SERPINB10: variants seen among roughly 807,000 people sequenced by gnomAD.
The protein encoded by SERPINB10 is serpin family B member 10, also known as serpin B10.
A neutral mutation model predicts 39.1 loss-of-function variants in SERPINB10; 35 were observed. The ratio of observed to expected loss-of-function variants is 0.90; its 90% CI spans 0.68 to 1.19. The LOEUF (loss-of-function observed/expected upper bound fraction) is 1.19, where lower values mean the gene tolerates loss of function less well. Among genes scored for constraint, SERPINB10 ranks in the 50% most tolerant of loss-of-function variants. The probability of loss-of-function intolerance (pLI) is 0.00; values close to 1 mark genes in which losing one functional copy is unlikely to be tolerated. For synonymous variants in SERPINB10, 190 were observed against 158.1 expected (o/e 1.20, Z -1.52); for missense variants, 546 against 460.5 (o/e 1.19, Z -1.70).
intron 4 of SERPINB10, 148 bp downstream of exon 4, chr18:63,918,250 G>A (rs1226401636): frequency 2.8e-6 from 2 of 721,420 alleles, no homozygotes; most frequent in South Asian, 3.8e-5. Flanking sequence ...ACCAACCAAT[G>A]AGTGTCTAGT....
At chr18:63,927,534 C>A (rs1040063464) in intron 5 of SERPINB10, among the ~76,000 whole-genome samples, 2 of 152,010 alleles carry the variant, frequency 1.3e-5, no homozygotes, top group South Asian at 4.1e-4. Context: ...TCATTGTCAT[C>A]GCATAGTGGA....
rs78343987 is a variant in SERPINB10 at position 63,930,077 on chromosome 18, G to C, written c.523G>C (p.Val175Leu). 3.5e-5 allele frequency: 56 copies of C among 1,613,474 alleles called. No individual in the cohort carries two copies. In the African/African-American group the frequency reaches 7.1e-4, roughly 20 times the overall value. The stretch of plus-strand genomic sequence containing the variant: ...CCAGAATCTCCTGCCTGATGACTCT[G>C]TGGATTCCACAACCAGGATGATTCT... Reference protein sequence around the residue: ...KIQNLLPDDSVDSTTRMILVN... With the variant: ...KIQNLLPDDSLDSTTRMILVN... The change falls in exon 6 of 8, where the codon GTG (valine) becomes CTG (leucine). Residue 175 changes from valine (V) to leucine (L), a missense_variant. By Grantham distance (32) the Val-to-Leu change is conservative. Transcript: ENST00000238508.
chr18:63,929,132 G>A (rs1281226724), intron 5 of SERPINB10, among the ~76,000 whole-genome samples: 4 of 152,008 alleles, frequency 2.6e-5, no homozygotes, highest in East Asian at 1.9e-4. Flanking sequence ...CTACAAATAC[G>A]AAATGCCAAA....
At chr18:63,912,352 G>A (rs2050071197) in intron 1 of SERPINB10, among the ~76,000 whole-genome samples, 1 of 151,944 alleles carries the variant, frequency 6.6e-6, no homozygotes, top group African/African-American at 2.4e-5. Flanking sequence ...AGGCATTCTT[G>A]TCTTGTTCCA....
intron 5 of SERPINB10, among the ~76,000 whole-genome samples, chr18:63,929,735 A>AAAAAAAAAAAAAAAAAAAAAAAAG (rs2050207543): frequency 1.4e-5 from 1 of 70,390 alleles, no homozygotes; most frequent in Non-Finnish European, 3.3e-5. Flanking sequence ...AAAAAAAAAG[A>AAAAAAAAAAAAAAAAAAAAAAAAG]AAAAAAAAAA....
intron 1 of SERPINB10, among the ~76,000 whole-genome samples, chr18:63,911,576 T>A (rs922638477): frequency 1.3e-5 from 2 of 151,924 alleles, no homozygotes; most frequent in African/African-American, 4.8e-5. Flanking sequence ...TGGTAAAGGT[T>A]AGATGTCTGT....
At chr18:63,914,100 G>T (rs1361250771) in intron 1 of SERPINB10, among the ~76,000 whole-genome samples, 1 of 152,026 alleles carries the variant, frequency 6.6e-6, no homozygotes, top group African/African-American at 2.4e-5. Flanking sequence ...GCTCTATTTT[G>T]TTTTCAATTT....
intron 5 of SERPINB10, among the ~76,000 whole-genome samples, chr18:63,921,926 C>T (rs114101249): frequency 9.2e-5 from 14 of 151,904 alleles, no homozygotes; most frequent in Non-Finnish European, 1.9e-4. Context: ...TGCCCTGCCA[C>T]CCCCAACCCC....
At chr18:63,919,696 C>T (rs150491161) in intron 4 of SERPINB10, 92 bp from the exon 5 acceptor site, 48 of 827,380 alleles carry the variant, frequency 5.8e-5, no homozygotes, top group Non-Finnish European at 8.8e-5. Flanking sequence ...TGCAATTGCC[C>T]GCCTACCTAG....
intron 7 of SERPINB10, among the ~76,000 whole-genome samples, chr18:63,934,634 C>T (rs566296168): frequency 5.9e-5 from 9 of 152,202 alleles, no homozygotes; most frequent in East Asian, 5.8e-4. Context: ...CTCCTATATC[C>T]GGATAGCAAT....
chr18:63,913,483 G>A (rs552289673), intron 1 of SERPINB10, among the ~76,000 whole-genome samples: 22 of 151,840 alleles, frequency 1.4e-4, no homozygotes, highest in South Asian at 2.1e-4. Context: ...ATGTCTCTGT[G>A]TCTATTTCAA....
rs8097425 is a variant in SERPINB10 at position 63,915,633 on chromosome 18, A to G, written c.123A>G (p.Ile41Met). Residue 41 changes from isoleucine (I) to methionine (M), a missense_variant, in exon 2 of 8, where the codon ATA (isoleucine) becomes ATG (methionine). Ile to Met is a conservative substitution (Grantham distance 10). Transcript: ENST00000238508. ...GGAGCATCTCAACTTCCTTGACCATAGTGTATTTGGGCGCCAAAGGTACCA... is the reference window on the plus strand; with the variant it reads ...GGAGCATCTCAACTTCCTTGACCATGGTGTATTTGGGCGCCAAAGGTACCA... ...SSWSISTSLT[I>M]VYLGAKGTTA... The G allele has an allele frequency of 0.25, 404,225 of 1,611,480 alleles. 64,404 individuals are homozygous for G. The highest frequency in any genetic ancestry group is 0.77 in the African/African-American group (57,201 of 74,754).
At chr18:63,916,778 C>T (rs545117396) in intron 2 of SERPINB10, among the ~76,000 whole-genome samples, 37 of 152,102 alleles carry the variant, frequency 2.4e-4, no homozygotes, top group African/African-American at 8.4e-4. Flanking sequence ...TAACTGTGCA[C>T]CCCTTTATGT....
At chr18:63,914,749 G>A (rs1336050247) in intron 1 of SERPINB10, among the ~76,000 whole-genome samples, 1 of 151,986 alleles carries the variant, frequency 6.6e-6, no homozygotes, top group Non-Finnish European at 1.5e-5. Context: ...GCTGTGGATT[G>A]GGGCACCTGT....
Position 63,917,496 on chromosome 18 carries a change from CT to C in SERPINB10, c.210del (p.Glu71LysfsTer12). On this transcript the variant is annotated frameshift_variant, in exon 3 of 8. Coordinates refer to ENST00000238508, the MANE Select transcript of SERPINB10 (RefSeq NM_005024.3). LOFTEE classifies it high-confidence loss of function. ...FNRDQGVKCD[P>X]ESEKKRKMEF... ...AGAGACCAGGGAGTCAAATGTGACC[CT>C]GAAAGTGAAAAAAAAAGGAAAATGG... 1 of 1,576,152 alleles carries C rather than the reference CT, an allele frequency of 6.3e-7. No homozygotes were observed. The highest frequency in any genetic ancestry group is 8.6e-7 in the Non-Finnish European group (1 of 1,161,412).
intron 7 of SERPINB10, among the ~76,000 whole-genome samples, chr18:63,933,519 C>A (rs1463284887): frequency 6.6e-6 from 1 of 152,212 alleles, no homozygotes; most frequent in Non-Finnish European, 1.5e-5. Context: ...TTGTCAGTCA[C>A]AGAACTGTGT....
At chr18:63,911,222 A>G (rs2050062060) in intron 1 of SERPINB10, among the ~76,000 whole-genome samples, 1 of 152,030 alleles carries the variant, frequency 6.6e-6, no homozygotes, top group East Asian at 1.9e-4. Flanking sequence ...ATTTTCTTCC[A>G]TTCTGTAGTT....
chr18:63,911,029 T>G (rs1008145774), intron 1 of SERPINB10, among the ~76,000 whole-genome samples: 10 of 152,072 alleles, frequency 6.6e-5, no homozygotes, highest in Non-Finnish European at 1.2e-4. Context: ...TGGACTTGCA[T>G]TTCTCTAATG....
At chr18:63,915,441 TCAAAGGTGAA>T in intron 1 of SERPINB10, 51 bp from the exon 2 acceptor site, 1 of 1,266,530 alleles carries the variant, frequency 7.9e-7, no homozygotes, top group Admixed American at 2.1e-5. Context: ...ACATATTTTT[TCAAAGGTGAA>T]GTGGAAATAA....
Sources: gnomAD v4.1 joint callset for allele counts (sites outside exome capture counted in the v4.1 genomes callset) on GRCh38, gnomAD v4.1.1 for gene constraint, MANE v1.5 for transcripts, NCBI Gene and HGNC (gene_info 2026-07-23, HGNC 2026-07-21) for gene names.